Variants in SCHIP1 observed in about 807,000 individuals in gnomAD.
SCHIP1 encodes schwannomin-interacting protein 1.
SCHIP1 carries 8 observed loss-of-function variants against 29.7 expected under a neutral mutation model. The observed-to-expected ratio is 0.27, with a 90% CI of 0.16 to 0.49. The LOEUF is 0.49. Ranked by LOEUF, SCHIP1 falls within the 20% of genes least tolerant of loss-of-function variation. The pLI is 0.99. For missense variants in SCHIP1, 193 were observed against 294.6 expected, an observed-to-expected ratio of 0.66 and a Z score of 2.52; for synonymous variants, 76 against 94.9, an observed-to-expected ratio of 0.80 and a Z score of 1.16.
chr3:159,843,001 C>CTTTTTTTTTTTTTTTTTTTTTT lies in SCHIP1; in HGVS notation c.30+2794_30+2815dup, dbSNP rs566940351. On this transcript the variant is annotated intron_variant, in intron 1 of 6. Coordinates refer to ENST00000445224, the Ensembl canonical transcript of SCHIP1. Reference sequence around the variant, plus strand: ...TCCAGTTCTATCCCAATATTTCTTTCTTTTTTTTTTTTTTTTTTTTTTTTT... The same window carrying CTTTTTTTTTTTTTTTTTTTTTT: ...TCCAGTTCTATCCCAATATTTCTTTCTTTTTTTTTTTTTTTTTTTTTTTTTTTTTTTTTTTTTTTTTTTTTTT... Among the ~76,000 whole-genome samples the CTTTTTTTTTTTTTTTTTTTTTT allele has an allele frequency of 5.0e-4, 32 of 63,726 alleles. 6 individuals are homozygous for CTTTTTTTTTTTTTTTTTTTTTT. Among genetic ancestry groups the CTTTTTTTTTTTTTTTTTTTTTT allele is most frequent in the Non-Finnish European group, 7.6e-4 (23 of 30,160 alleles). 41.8% of individuals were successfully genotyped at this position (63,726 alleles called of 152,430 possible).
chr3:159,626,639 G>A, the SCHIP1 span, among the ~76,000 whole-genome samples: 1 of 152,252 alleles, frequency 6.6e-6, no homozygotes, highest in East Asian at 1.9e-4. Flanking sequence ...TTTGCCTGGT[G>A]TAGATAGTAG....
At chr3:159,504,404 T>G in the SCHIP1 span, among the ~76,000 whole-genome samples, 64 of 152,292 alleles carry the variant, frequency 4.2e-4, no homozygotes, top group Non-Finnish European at 8.1e-4. Flanking sequence ...TGGTGGTTGC[T>G]GAAAATATCA....
the SCHIP1 span, among the ~76,000 whole-genome samples, chr3:159,520,331 G>A: frequency 6.6e-6 from 1 of 152,078 alleles, no homozygotes; most frequent in African/African-American, 2.4e-5. Context: ...CCGGGCAGAT[G>A]AGCAGCAATG....
the SCHIP1 span, among the ~76,000 whole-genome samples, chr3:159,778,552 T>C: frequency 5.3e-4 from 81 of 152,304 alleles, no homozygotes; most frequent in Middle Eastern, 3.4e-3. Flanking sequence ...AAGGGTATAC[T>C]AAAACTATTC....
At chr3:159,834,628 C>G in the SCHIP1 span, among the ~76,000 whole-genome samples, 27 of 152,278 alleles carry the variant, frequency 1.8e-4, no homozygotes, top group South Asian at 4.1e-3. Context: ...GAGCATTCCT[C>G]AACCCCAAAA....
At chr3:159,879,498 G>C (rs535688655) in intron 2 of SCHIP1, among the ~76,000 whole-genome samples, 127 of 152,292 alleles carry the variant, frequency 8.3e-4, no homozygotes, top group African/African-American at 3.0e-3. Flanking sequence ...GCACTTAGTA[G>C]ATGCTCAAAA....
At chr3:159,715,021 G>T in the SCHIP1 span, among the ~76,000 whole-genome samples, 2 of 152,194 alleles carry the variant, frequency 1.3e-5, no homozygotes, top group South Asian at 2.1e-4. Context: ...ACCTCATAGG[G>T]CTGGGTGCCC....
chr3:159,484,414 A>G, the SCHIP1 span, among the ~76,000 whole-genome samples: 1 of 152,304 alleles, frequency 6.6e-6, no homozygotes, highest in Non-Finnish European at 1.5e-5. Context: ...TGCTTAGATA[A>G]TTATGGCCAG....
At chr3:159,760,349 T>G in the SCHIP1 span, among the ~76,000 whole-genome samples, 1 of 152,288 alleles carries the variant, frequency 6.6e-6, no homozygotes, top group East Asian at 1.9e-4. Flanking sequence ...AGGAGACCCT[T>G]TCTGACATTT....
At chr3:159,592,587 A>G in the SCHIP1 span, among the ~76,000 whole-genome samples, 2 of 151,716 alleles carry the variant, frequency 1.3e-5, no homozygotes, top group Non-Finnish European at 2.9e-5. Context: ...CTCTCTGTGC[A>G]TGCCCTCTGC....
At chr3:159,706,325 T>C in the SCHIP1 span, among the ~76,000 whole-genome samples, 14 of 152,318 alleles carry the variant, frequency 9.2e-5, no homozygotes, top group African/African-American at 3.1e-4. Context: ...ATGAGAATTT[T>C]TGGCTTCCAG....
intron 2 of SCHIP1, among the ~76,000 whole-genome samples, chr3:159,885,126 T>C (rs1716837243): frequency 1.3e-5 from 2 of 152,314 alleles, no homozygotes; most frequent in Admixed American, 6.5e-5. Flanking sequence ...ATTCCTACCA[T>C]TGGAATTGAA....
At chr3:159,477,875 G>C in the SCHIP1 span, among the ~76,000 whole-genome samples, 2 of 140,148 alleles carry the variant, frequency 1.4e-5, no homozygotes, top group African/African-American at 5.3e-5. Context: ...GGAACTTTTT[G>C]TGTTTTCTTC....
chr3:159,497,033 C>T, the SCHIP1 span, among the ~76,000 whole-genome samples: 2 of 152,136 alleles, frequency 1.3e-5, no homozygotes, highest in Non-Finnish European at 2.9e-5. Context: ...CATGTTCTCA[C>T]TCATAGGTGG....
chr3:159,746,007 T>A, the SCHIP1 span, among the ~76,000 whole-genome samples: 1 of 152,146 alleles, frequency 6.6e-6, no homozygotes, highest in African/African-American at 2.4e-5. Context: ...TGGGGGTAAT[T>A]ACAATGAGCA....
chr3:159,419,686 G>A, the SCHIP1 span, among the ~76,000 whole-genome samples: 1 of 152,240 alleles, frequency 6.6e-6, no homozygotes, highest in East Asian at 1.9e-4. Flanking sequence ...GCAGGTGCCT[G>A]TAATCCCAGC....
chr3:159,712,264 T>C, the SCHIP1 span, among the ~76,000 whole-genome samples: 934 of 152,024 alleles, frequency 6.1e-3, 10 homozygotes, highest in Admixed American at 0.022. Flanking sequence ...CCTCTGGGGG[T>C]GGGGAGTGAC....
the SCHIP1 span, among the ~76,000 whole-genome samples, chr3:159,470,793 T>C: frequency 6.6e-6 from 1 of 151,908 alleles, no homozygotes; most frequent in African/African-American, 2.4e-5. Context: ...CTACTACTCA[T>C]CAATAAAAAG....
chr3:159,496,036 A>C, the SCHIP1 span, among the ~76,000 whole-genome samples: 1 of 152,346 alleles, frequency 6.6e-6, no homozygotes, highest in South Asian at 2.1e-4. Context: ...GGTGCTAGGA[A>C]AACTGGCTAG....
Sources: allele counts gnomAD v4.1 joint callset (sites outside exome capture counted in the v4.1 genomes callset), GRCh38; gene constraint gnomAD v4.1.1; transcripts MANE v1.5; gene names NCBI Gene and HGNC (gene_info 2026-07-23, HGNC 2026-07-21).